Variants in ARHGAP12 observed in about 807,000 individuals in gnomAD.
The protein encoded by ARHGAP12 is Rho GTPase activating protein 12.
ARHGAP12 carries 64 observed loss-of-function variants against 108.6 expected under a neutral mutation model. The ratio of observed to expected loss-of-function variants is 0.59; its 90% CI spans 0.48 to 0.73. The LOEUF is 0.73. Ranked by LOEUF, ARHGAP12 falls within the 30% of genes least tolerant of loss-of-function variation. The probability of loss-of-function intolerance (pLI) is 0.00; values close to 1 mark genes in which losing one functional copy is unlikely to be tolerated. For missense variants in ARHGAP12, 940 were observed against 1,005.9 expected, an observed-to-expected ratio of 0.93 and a Z score of 0.89; for synonymous variants, 312 against 337.2, an observed-to-expected ratio of 0.93 and a Z score of 0.82.
At chr10:31,822,837 C>A (rs750644618) in intron 11 of ARHGAP12, among the ~76,000 whole-genome samples, 1 of 152,038 alleles carries the variant, frequency 6.6e-6, no homozygotes, top group Non-Finnish European at 1.5e-5. Context: ...TGGGGGACAT[C>A]TGGTAACGTT....
chr10:31,859,687 ATAATT>A (rs1331206326), intron 4 of ARHGAP12, among the ~76,000 whole-genome samples: 1 of 152,204 alleles, frequency 6.6e-6, no homozygotes, highest in Non-Finnish European at 1.5e-5. Context: ...CTTTTAGTCT[ATAATT>A]TAGTCTTTTT....
chr10:31,924,578 T>C (rs923469745), intron 1 of ARHGAP12, among the ~76,000 whole-genome samples: 5 of 152,226 alleles, frequency 3.3e-5, no homozygotes, highest in Admixed American at 1.3e-4. Context: ...TCTTTTTTAT[T>C]GTTGAATGTT....
In ARHGAP12 at chr10:31,861,587, G is replaced by C. The variant is rs1837118682; in HGVS notation, c.756C>G (p.Ser252=). 4 of 1,614,052 alleles carry C rather than the reference G, an allele frequency of 2.5e-6. No individual in the cohort carries two copies. Among genetic ancestry groups the C allele is most frequent in the Middle Eastern group, 1.6e-4 (1 of 6,062 alleles). Residue 252 remains serine, a synonymous_variant, in exon 4 of 20, where the codon TCC becomes TCG. Transcript: ENST00000344936. ...VYANLQELKI[S]QSALPPLPGS... ...CAGGAAGTGGGGGAAGAGCAGACTGGGATATTTTCAGTTCTTGAAGGTTAG... is the reference window on the plus strand; with the variant it reads ...CAGGAAGTGGGGGAAGAGCAGACTGCGATATTTTCAGTTCTTGAAGGTTAG...
chr10:31,809,344 A>C, intron 16 of ARHGAP12, 37 bp from the exon 17 acceptor site: 2 of 1,580,710 alleles, frequency 1.3e-6, no homozygotes, highest in Non-Finnish European at 1.7e-6. Context: ...GTGTGTGTTT[A>C]AAGTACTTCT....
chr10:31,809,690 A>T (rs1834943603), intron 16 of ARHGAP12: 1 of 166,304 alleles, frequency 6.0e-6, no homozygotes, highest in Admixed American at 6.0e-5. Context: ...TTTATAATGT[A>T]AATGCACATA....
intron 16 of ARHGAP12, 87 bp from the exon 17 acceptor site, chr10:31,809,394 A>C: frequency 8.1e-7 from 1 of 1,234,318 alleles, no homozygotes; most frequent in Non-Finnish European, 1.2e-6. Flanking sequence ...CAGAATTCCC[A>C]CTCATTTGCA....
intron 15 of ARHGAP12, 170 bp downstream of exon 15, chr10:31,812,537 A>G (rs1835059215): frequency 2.2e-6 from 1 of 451,718 alleles, no homozygotes; most frequent in Non-Finnish European, 3.8e-6. Context: ...GTTAAAATAA[A>G]CTTTCAAAAA....
intron 10 of ARHGAP12, among the ~76,000 whole-genome samples, chr10:31,830,412 A>C (rs1225882574): frequency 6.6e-6 from 1 of 152,190 alleles, no homozygotes; most frequent in Non-Finnish European, 1.5e-5. Context: ...TCATAGGAAA[A>C]AAAACAAAAG....
chr10:31,921,846 CAG>C (rs1839828909), intron 1 of ARHGAP12, among the ~76,000 whole-genome samples: 1 of 115,038 alleles, frequency 8.7e-6, no homozygotes, highest in African/African-American at 3.2e-5. Flanking sequence ...AAAAAGAAAA[CAG>C]AAAAATGTTA....
chr10:31,904,220 T>C (rs1282047836), intron 3 of ARHGAP12, among the ~76,000 whole-genome samples: 4 of 152,208 alleles, frequency 2.6e-5, no homozygotes, highest in Non-Finnish European at 5.9e-5. Context: ...GATATTCTTT[T>C]ATGGATAAAT....
chr10:31,928,375 A>T (rs1840152517), intron 1 of ARHGAP12, among the ~76,000 whole-genome samples: 2 of 151,282 alleles, frequency 1.3e-5, no homozygotes, highest in Admixed American at 6.6e-5. Context: ...ACAGGAAGTC[A>T]GGAAACCCAG....
intron 3 of ARHGAP12, among the ~76,000 whole-genome samples, chr10:31,893,795 A>G (rs1273777305): frequency 6.6e-6 from 1 of 152,192 alleles, no homozygotes; most frequent in East Asian, 1.9e-4. Context: ...CACAACAAAA[A>G]AAAGAGAATT....
intron 14 of ARHGAP12, among the ~76,000 whole-genome samples, chr10:31,813,449 G>A (rs1338108598): frequency 6.6e-6 from 1 of 151,974 alleles, no homozygotes; most frequent in South Asian, 2.1e-4. Flanking sequence ...TATATTTCTT[G>A]AAAATAATTC....
Position 31,861,727 on chromosome 10 carries a change from C to T in ARHGAP12, c.685-69G>A, listed in dbSNP as rs959473235. ...ACATTTAAGTCAAAATTAAATGAAACAGGAGATTTATAAACAATACTAACT... is the reference window on the plus strand; with the variant it reads ...ACATTTAAGTCAAAATTAAATGAAATAGGAGATTTATAAACAATACTAACT... On this transcript the variant is annotated intron_variant, in intron 3 of 19. Transcript: ENST00000344936. 39 of 1,438,480 alleles carry T rather than the reference C, an allele frequency of 2.7e-5. No individual in the cohort carries two copies. In the African/African-American group the frequency reaches 5.6e-4, roughly 21 times the overall value. The allele number at this position is 1,438,480 out of a possible 1,614,324, so 89.1% of individuals were successfully genotyped here.
chr10:31,869,445 G>A (rs1480078232), intron 3 of ARHGAP12, among the ~76,000 whole-genome samples: 2 of 152,086 alleles, frequency 1.3e-5, no homozygotes, highest in Non-Finnish European at 2.9e-5. Flanking sequence ...GCTGAGGCAG[G>A]AGAATTGCGT....
At chr10:31,875,841 C>T (rs1157787560) in intron 3 of ARHGAP12, among the ~76,000 whole-genome samples, 5 of 152,118 alleles carry the variant, frequency 3.3e-5, no homozygotes, top group Non-Finnish European at 5.9e-5. Context: ...CATTAACTCC[C>T]CATCCTCCCT....
At chr10:31,815,769 C>T (rs1326588475) in intron 13 of ARHGAP12, among the ~76,000 whole-genome samples, 1 of 152,120 alleles carries the variant, frequency 6.6e-6, no homozygotes, top group Non-Finnish European at 1.5e-5. Context: ...GTAATTTTCC[C>T]TGCAAAGTTC....
intron 9 of ARHGAP12, among the ~76,000 whole-genome samples, chr10:31,838,830 C>CAA (rs34471173): frequency 7.8e-5 from 8 of 102,716 alleles, no homozygotes; most frequent in African/African-American, 2.0e-4. Flanking sequence ...GGCTCCATCT[C>CAA]AAAAAAAAAA....
At chr10:31,898,119 G>C (rs1838780352) in intron 3 of ARHGAP12, among the ~76,000 whole-genome samples, 1 of 152,096 alleles carries the variant, frequency 6.6e-6, no homozygotes, top group Non-Finnish European at 1.5e-5. Context: ...GCAAAACCTT[G>C]TCTCAACAAC....
Sources: allele counts gnomAD v4.1 joint callset (sites outside exome capture counted in the v4.1 genomes callset), GRCh38; gene constraint gnomAD v4.1.1; transcripts MANE v1.5; gene names NCBI Gene and HGNC (gene_info 2026-07-23, HGNC 2026-07-21).